The following ATP5F1A variants were observed in gnomAD, a reference collection of about 807,000 sequenced individuals.
The protein encoded by ATP5F1A is ATP synthase F(1) complex subunit alpha, mitochondrial.
Under a neutral mutation model 57.4 loss-of-function variants are expected in ATP5F1A, and 24 were observed. That is an observed-to-expected ratio of 0.42 (90% CI 0.30 to 0.59). ATP5F1A has a LOEUF of 0.59. Ranked by LOEUF, ATP5F1A falls within the 20% of genes least tolerant of loss-of-function variation. The probability of loss-of-function intolerance (pLI) is 0.19; values close to 1 mark genes in which losing one functional copy is unlikely to be tolerated. For synonymous variants in ATP5F1A, 251 were observed against 255.5 expected (o/e 0.98, Z 0.17); for missense variants, 494 against 707.9 (o/e 0.70, Z 3.43).
At chr18:46,100,762 C>T (rs1032035371), upstream of ATP5F1A, among the ~76,000 whole-genome samples, 1 of 152,170 alleles carries the variant, frequency 6.6e-6, no homozygotes, top group African/African-American at 2.4e-5. Flanking sequence ...TTGTTTTTAG[C>T]AGCTAATTAG....
rs1909795254 is a variant in ATP5F1A, at chr18:46,082,228, A to AAC, written c.*2053_*2054insGT. 1 of 55,146 alleles carries AAC rather than the reference A, an allele frequency of 1.8e-5. No homozygotes were observed. Among genetic ancestry groups the AAC allele is most frequent in the South Asian group, 6.6e-4 (1 of 1,504 alleles). The allele number at this position is 55,146 out of a possible 1,614,324, so 3.4% of individuals were successfully genotyped here. ...GAAACCCCGTCTCTACTAAAAATACAAAAAAAAAAAAATTAGCTGGGCGTG... is the reference window on the plus strand; with the variant it reads ...GAAACCCCGTCTCTACTAAAAATACAACAAAAAAAAAAAATTAGCTGGGCGTG... On this transcript the variant is annotated 3_prime_UTR_variant, in exon 12 of 12. Coordinates refer to ENST00000398752, the MANE Select transcript of ATP5F1A (RefSeq NM_004046.6).
Position 46,080,271 on chromosome 18 carries a change from A to G in ATP5F1A, c.*4011T>C, listed in dbSNP as rs1040231366. 6.6e-5 allele frequency: 10 copies of G among 152,252 alleles called. No individual in the cohort carries two copies. Among genetic ancestry groups the G allele is most frequent in the Admixed American group, 6.5e-4 (10 of 15,284 alleles). 9.4% of individuals were successfully genotyped at this position (152,252 alleles called of 1,614,324 possible). A position where few individuals can be genotyped will look rare whatever the true frequency, so the allele number is the denominator to read the frequency against. ...CCTTACAGTTAACAAATAGTTTTTA[A>G]AATACAAGTCTGAAATCCATAAAAC... On this transcript the variant is annotated 3_prime_UTR_variant, in exon 12 of 12. Transcript: ENST00000398752.
At chr18:46,088,409 T>C (rs1910287108) in intron 5 of ATP5F1A, 152 bp from the exon 6 acceptor site, 1 of 638,712 alleles carries the variant, frequency 1.6e-6, no homozygotes, top group Admixed American at 3.6e-5. Flanking sequence ...AAAATTCTTC[T>C]GCCTTGAGAT....
Position 46,087,003 on chromosome 18 carries a change from A to C in ATP5F1A, c.1176+5T>G, listed in dbSNP as rs760107868. On this transcript the variant is annotated splice_donor_5th_base_variant and intron_variant, in intron 8 of 11. Coordinates refer to ENST00000398752, the MANE Select transcript of ATP5F1A (RefSeq NM_004046.6). ...TAACATTTCTTTTAATCATTAAAAT[A>C]ATACCTGTCCGTCAGTGATGGAAAT... is the stretch of plus-strand genomic sequence containing the variant. The C allele has an allele frequency of 1.1e-5, 18 of 1,613,234 alleles. No individual in the cohort carries two copies. The Middle Eastern group carries it at 6.6e-4, about 59-fold the overall frequency.
At position 46,084,047 on chromosome 18, in the gene ATP5F1A, C is replaced by A. The variant is rs1263267614; in HGVS notation, c.*235G>T. The A allele has an allele frequency of 5.3e-6, 2 of 380,834 alleles. No individual in the cohort carries two copies. The highest frequency in any genetic ancestry group is 9.3e-6 in the Non-Finnish European group (2 of 215,656). The allele number at this position is 380,834 out of a possible 1,614,324, so 23.6% of individuals were successfully genotyped here. ...GCCTTGAATTATCTAGCCCAGTTGACTGTACCAATATTCAAGTAAAATAGA... is the reference window on the plus strand; with the variant it reads ...GCCTTGAATTATCTAGCCCAGTTGAATGTACCAATATTCAAGTAAAATAGA... On this transcript the variant is annotated 3_prime_UTR_variant, in exon 12 of 12. Transcript: ENST00000398752.
chr18:46,088,003 C>G (rs1568246351), intron 6 of ATP5F1A, 106 bp downstream of exon 6: 5 of 1,267,366 alleles, frequency 3.9e-6, no homozygotes, highest in Non-Finnish European at 5.5e-6. Flanking sequence ...AAAGTTCAGC[C>G]CATTAGGAAG....
chr18:46,102,861 T>C (rs1438883801), upstream of ATP5F1A, among the ~76,000 whole-genome samples: 1 of 152,110 alleles, frequency 6.6e-6, no homozygotes, highest in Non-Finnish European at 1.5e-5. Context: ...AGCGGGAGGA[T>C]TGCTTGAGCC....
Position 46,086,471 on chromosome 18 carries a change from G to C in ATP5F1A, c.1200C>G (p.Phe400Leu), listed in dbSNP as rs1910107051. Reference sequence around the variant, plus strand: ...TAATTGCAGGGCGGATACCTTTGTAGAACAATTCTGTTTCCAAGAAGATCT... The same window carrying C: ...TAATTGCAGGGCGGATACCTTTGTACAACAATTCTGTTTCCAAGAAGATCT... The part of the protein sequence containing the change: ...DGQIFLETEL[F>L]YKGIRPAINV... The change falls in exon 9 of 12, where the codon TTC becomes TTG. Residue 400 changes from phenylalanine (F) to leucine (L), a missense_variant. Phe to Leu is a conservative substitution (Grantham distance 22). Coordinates refer to ENST00000398752, the MANE Select transcript of ATP5F1A (RefSeq NM_004046.6). 1 of 1,613,866 alleles carries C rather than the reference G, an allele frequency of 6.2e-7. No homozygotes were observed.
intron 11 of ATP5F1A, 39 bp from the exon 12 acceptor site, chr18:46,084,402 GAA>G (rs1402103841): frequency 1.3e-6 from 2 of 1,595,894 alleles, no homozygotes; most frequent in African/African-American, 2.7e-5. Flanking sequence ...TTCTGACCTG[GAA>G]AAAGTTTTAA....
At position 46,082,876 on chromosome 18, in the gene ATP5F1A, TTG is replaced by T. The variant is rs1251000396; in HGVS notation, c.*1404_*1405del. 6.6e-6 allele frequency: 1 copy of T among 151,182 alleles called. No homozygotes were observed. Among genetic ancestry groups the T allele is most frequent in the African/African-American group, 2.4e-5 (1 of 41,098 alleles). 9.4% of individuals were successfully genotyped at this position (151,182 alleles called of 1,614,324 possible). On this transcript the variant is annotated 3_prime_UTR_variant, in exon 12 of 12. Transcript: ENST00000398752. ...GCAGCATGGCCAACATGGTGAAACC[TTG>T]TCTCTACTAAAAATACAAAATGTTA...
rs1294196789 is a variant in ATP5F1A, at chr18:46,088,133, A to G, written c.775T>C (p.Leu259=). The part of the protein sequence containing the change: ...IGQKRSTVAQ[L]VKRLTDADAM... The stretch of plus-strand genomic sequence containing the variant: ...CCTGCATCTGTAAGTCTCTTCACCA[A>G]CTGGGCAACAGTGGATCTCTTTTGA... Residue 259 remains leucine (L), a synonymous_variant, in exon 6 of 12, where the codon TTG becomes CTG. Coordinates refer to ENST00000398752, the MANE Select transcript of ATP5F1A (RefSeq NM_004046.6). The G allele has an allele frequency of 6.3e-7, 1 of 1,597,972 alleles. No individual in the cohort carries two copies. The highest frequency in any genetic ancestry group is 1.2e-5 in the South Asian group (1 of 86,956).
intron 6 of ATP5F1A, 75 bp downstream of exon 6, chr18:46,088,034 T>G: frequency 1.3e-6 from 2 of 1,505,354 alleles, no homozygotes; most frequent in South Asian, 1.2e-5. Context: ...ATGCCTTCAT[T>G]AAGTAGAAGC....
intron 1 of ATP5F1A, among the ~76,000 whole-genome samples, chr18:46,096,976 C>G (rs1911005834): frequency 9.8e-6 from 1 of 101,782 alleles, no homozygotes; most frequent in Non-Finnish European, 1.8e-5. Flanking sequence ...GAGCGAGACA[C>G]CATCTCAAAA....
chr18:46,095,895 T>A (rs1910913092), intron 1 of ATP5F1A, among the ~76,000 whole-genome samples: 1 of 152,020 alleles, frequency 6.6e-6, no homozygotes, highest in South Asian at 2.1e-4. Context: ...CACACATTTT[T>A]TTTTTCCTTC....
At chr18:46,097,982 C>A (rs1307739222) in intron 1 of ATP5F1A, 190 bp downstream of exon 1, 1 of 1,409,670 alleles carries the variant, frequency 7.1e-7, no homozygotes, top group Non-Finnish European at 9.2e-7. Flanking sequence ...CTGTACCATT[C>A]TGCCTCTGCG....
rs981513694 is a variant in ATP5F1A, at chr18:46,098,296, G to T, written c.-65C>A. ...GCCTCCGGACTGACTGGGACAAAAT[G>T]GCCGAGCCGCAAAGAAGGTCAAGAC... is the stretch of plus-strand genomic sequence containing the variant. On this transcript the variant is annotated 5_prime_UTR_variant, in exon 1 of 12. Coordinates refer to ENST00000398752, the MANE Select transcript of ATP5F1A (RefSeq NM_004046.6). The T allele has an allele frequency of 1.3e-6, 2 of 1,529,302 alleles. No homozygotes were observed. Among genetic ancestry groups the T allele is most frequent in the African/African-American group, 2.7e-5 (2 of 73,144 alleles). The allele number at this position is 1,529,302 out of a possible 1,614,324, so 94.7% of individuals were successfully genotyped here.
Position 46,084,261 on chromosome 18 carries a change from T to C in ATP5F1A, c.*21A>G, listed in dbSNP as rs1477253120. ...AACAATGACAAAACTGAACTGGTATTTGATGTGAATCCACAGGAGTTTAAG... is the reference window on the plus strand; with the variant it reads ...AACAATGACAAAACTGAACTGGTATCTGATGTGAATCCACAGGAGTTTAAG... On this transcript the variant is annotated 3_prime_UTR_variant, in exon 12 of 12. Coordinates refer to ENST00000398752, the MANE Select transcript of ATP5F1A (RefSeq NM_004046.6). The C allele has an allele frequency of 2.5e-6, 4 of 1,600,750 alleles. No individual in the cohort carries two copies. Among genetic ancestry groups the C allele is most frequent in the Non-Finnish European group, 3.4e-6 (4 of 1,172,658 alleles).
chr18:46,086,242 T>C lies in ATP5F1A; in HGVS notation c.1300A>G (p.Lys434Glu). ...TCACGATACTGAGCCAATTCCAGCT[T>C]CATGGTACCTGCTACCTGCAATACA... ...RAMKQVAGTMKLELAQYREVA... is the reference protein window; with the variant it reads ...RAMKQVAGTMELELAQYREVA... Residue 434 changes from lysine to glutamate, a missense_variant, in exon 10 of 12, where the codon AAG (lysine) becomes GAG (glutamate). Coordinates refer to ENST00000398752, the MANE Select transcript of ATP5F1A (RefSeq NM_004046.6). The C allele has an allele frequency of 6.2e-7, 1 of 1,613,816 alleles. No homozygotes were observed.
chr18:46,093,402 T>C (rs1050562832), intron 2 of ATP5F1A: 5 of 148,922 alleles, frequency 3.4e-5, no homozygotes, highest in African/African-American at 1.2e-4. Flanking sequence ...CCAGCTGTGG[T>C]GGTGCATGCT....
Sources: gnomAD v4.1 joint callset for allele counts (sites outside exome capture counted in the v4.1 genomes callset) on GRCh38, gnomAD v4.1.1 for gene constraint, MANE v1.5 for transcripts, NCBI Gene and HGNC (gene_info 2026-07-23, HGNC 2026-07-21) for gene names.